Variants in PPP6C observed in about 807,000 individuals in gnomAD.
PPP6C encodes serine/threonine-protein phosphatase 6 catalytic subunit.
A neutral mutation model predicts 39.8 loss-of-function variants in PPP6C; 11 were observed. The ratio of observed to expected loss-of-function variants is 0.28; its 90% confidence interval spans 0.17 to 0.46. PPP6C has a LOEUF of 0.46. Ranked by LOEUF, PPP6C falls within the 20% of genes least tolerant of loss-of-function variation. The pLI, the probability that PPP6C is intolerant of heterozygous loss-of-function variation, is 1.00. For synonymous variants in PPP6C, 129 were observed against 130.3 expected (o/e 0.99, Z 0.07); for missense variants, 211 against 373.9 (o/e 0.56, Z 3.59).
At chr9:125,168,909 C>T (rs1391893794) in intron 2 of PPP6C, among the ~76,000 whole-genome samples, 4 of 150,846 alleles carry the variant, frequency 2.7e-5, no homozygotes, top group Non-Finnish European at 5.9e-5. Flanking sequence ...TACAGGCACG[C>T]ACCACCACAC....
chr9:125,173,094 T>C (rs1257187165), intron 1 of PPP6C, among the ~76,000 whole-genome samples: 3 of 151,958 alleles, frequency 2.0e-5, no homozygotes, highest in African/African-American at 7.3e-5. Flanking sequence ...CTGACCAACA[T>C]GGCAAAACCC....
At chr9:125,189,304 C>T (rs459941) in intron 1 of PPP6C, among the ~76,000 whole-genome samples, 67,090 of 151,778 alleles carry the variant, frequency 0.44, 15,151 homozygotes, top group East Asian at 0.54. Flanking sequence ...GGGGGCTCGG[C>T]TCCGACTGCG....
intron 6 of PPP6C, chr9:125,151,614 T>G (rs1835944439): frequency 5.6e-6 from 4 of 713,224 alleles, no homozygotes; most frequent in Non-Finnish European, 1.0e-5. Context: ...TGAGGCTTTT[T>G]AAGAATAAAA....
At chr9:125,166,535 CTTTTTTT>C (rs1169190980) in intron 2 of PPP6C, among the ~76,000 whole-genome samples, 1 of 134,466 alleles carries the variant, frequency 7.4e-6, no homozygotes. Flanking sequence ...TTTTCTTTTT[CTTTTTTT>C]TTTTTTTTTT....
chr9:125,150,833 A>T (rs1161625808), intron 6 of PPP6C: 1 of 771,222 alleles, frequency 1.3e-6, no homozygotes, highest in Admixed American at 1.7e-5. Context: ...GTTGTGGCAA[A>T]ATCAATGACA....
chr9:125,186,893 T>C (rs1482871113), intron 1 of PPP6C, among the ~76,000 whole-genome samples: 2 of 151,504 alleles, frequency 1.3e-5, no homozygotes, highest in Non-Finnish European at 2.9e-5. Flanking sequence ...AAATCTAATG[T>C]TTATCAAACT....
intron 2 of PPP6C, among the ~76,000 whole-genome samples, chr9:125,164,157 TAG>T (rs1424928031): frequency 6.7e-6 from 1 of 150,170 alleles, no homozygotes; most frequent in East Asian, 2.0e-4. Context: ...CCTACATTAC[TAG>T]ACACCTACCT....
chr9:125,149,349 T>C lies in PPP6C; in HGVS notation c.*324A>G, dbSNP rs1462359041. ...ATTTAGGTGTAATCTGTCAATTGGC[T>C]TTTAAAAAAAGGAAACACATCCTGT... is the stretch of plus-strand genomic sequence containing the variant. On this transcript the variant is annotated 3_prime_UTR_variant, in exon 7 of 7. Coordinates refer to ENST00000373547, the MANE Select transcript of PPP6C (RefSeq NM_002721.5). 1 of 213,334 alleles carries C rather than the reference T, an allele frequency of 4.7e-6. No individual in the cohort carries two copies. Among genetic ancestry groups the C allele is most frequent in the Admixed American group, 5.4e-5 (1 of 18,522 alleles). The allele number at this position is 213,334 out of a possible 1,614,324, so 13.2% of individuals were successfully genotyped here.
chr9:125,171,722 T>A (rs1160993779), intron 1 of PPP6C, among the ~76,000 whole-genome samples: 1 of 151,556 alleles, frequency 6.6e-6, no homozygotes, highest in Non-Finnish European at 1.5e-5. Context: ...CCCGGCTAAT[T>A]TTTGTATTTT....
chr9:125,189,026 C>A, intron 1 of PPP6C: 1 of 1,089,654 alleles, frequency 9.2e-7, no homozygotes, highest in Non-Finnish European at 1.3e-6. Flanking sequence ...GTAAGCTCAA[C>A]AACATACTCA....
chr9:125,150,849 A>G, intron 6 of PPP6C: 1 of 783,586 alleles, frequency 1.3e-6, no homozygotes, highest in Non-Finnish European at 2.3e-6. Flanking sequence ...TGACAATTTA[A>G]TGGTGCCTTT....
At chr9:125,174,311 G>C (rs1050629143) in intron 1 of PPP6C, among the ~76,000 whole-genome samples, 1 of 152,166 alleles carries the variant, frequency 6.6e-6, no homozygotes, top group African/African-American at 2.4e-5. Flanking sequence ...AACTCAATGG[G>C]AGTGGGAGGG....
chr9:125,150,514 A>G, intron 6 of PPP6C: 1 of 433,162 alleles, frequency 2.3e-6, no homozygotes, highest in South Asian at 1.9e-5. Flanking sequence ...TGAAAGTTCA[A>G]AGTACTGCCT....
At chr9:125,173,775 AC>A (rs1405689367) in intron 1 of PPP6C, among the ~76,000 whole-genome samples, 3 of 151,786 alleles carry the variant, frequency 2.0e-5, no homozygotes, top group Non-Finnish European at 4.4e-5. Flanking sequence ...GAGTCATCAT[AC>A]CCAGCTCATT....
At chr9:125,170,449 G>C (rs963202524) in intron 2 of PPP6C, among the ~76,000 whole-genome samples, 7 of 151,952 alleles carry the variant, frequency 4.6e-5, no homozygotes. Flanking sequence ...ATGTTGGTCA[G>C]GCTGGTCTCA....
chr9:125,153,407 T>C, intron 6 of PPP6C, 126 bp downstream of exon 6: 2 of 873,892 alleles, frequency 2.3e-6, no homozygotes, highest in Non-Finnish European at 3.5e-6. Flanking sequence ...AAACTAGAAA[T>C]TTAATATCCA....
At position 125,146,818 on chromosome 9, in the gene PPP6C, T is replaced by C. The variant is rs1017268323; in HGVS notation, c.*2855A>G. 1 of 152,210 alleles carries C rather than the reference T, an allele frequency of 6.6e-6. No individual in the cohort carries two copies. The highest frequency in any genetic ancestry group is 2.4e-5 in the African/African-American group (1 of 41,448). The allele number at this position is 152,210 out of a possible 1,614,324, so 9.4% of individuals were successfully genotyped here. On this transcript the variant is annotated 3_prime_UTR_variant, in exon 7 of 7. Coordinates refer to ENST00000373547, the MANE Select transcript of PPP6C (RefSeq NM_002721.5). The stretch of plus-strand genomic sequence containing the variant: ...ATCTCTTCGACTCCAGATACACAAT[T>C]TCCTGGAAGCTGATGGAAAGTGATT...
At position 125,153,978 on chromosome 9, in the gene PPP6C, G is replaced by A; in HGVS notation, c.387C>T (p.Cys129=). 6.2e-7 allele frequency: 1 copy of A among 1,605,568 alleles called. No homozygotes were observed. The highest frequency in any genetic ancestry group is 1.1e-5 in the South Asian group (1 of 90,612). The part of the protein sequence containing the change: ...ITQVYGFYDE[C]QTKYGNANAW... ...CATTAGCATTTCCATATTTGGTTTG[G>A]CACTCATCTGTGAAAGAAACAGAAG... is the stretch of plus-strand genomic sequence containing the variant. Residue 129 remains cysteine (C), a synonymous_variant, in exon 5 of 7, where the codon TGC becomes TGT. Coordinates refer to ENST00000373547, the MANE Select transcript of PPP6C (RefSeq NM_002721.5).
intron 1 of PPP6C, among the ~76,000 whole-genome samples, chr9:125,176,644 G>C (rs538465477): frequency 6.6e-6 from 1 of 151,968 alleles, no homozygotes; most frequent in Non-Finnish European, 1.5e-5. Flanking sequence ...GTCACAGAGC[G>C]AGACCCTTTC....
Sources: allele counts gnomAD v4.1 joint callset (sites outside exome capture counted in the v4.1 genomes callset), GRCh38; gene constraint gnomAD v4.1.1; transcripts MANE v1.5; gene names NCBI Gene and HGNC (gene_info 2026-07-23, HGNC 2026-07-21).